The following UBA5 variants were observed in gnomAD, a reference collection of about 807,000 sequenced individuals.
UBA5 encodes the protein ubiquitin like modifier activating enzyme 5.
A neutral mutation model predicts 52.9 loss-of-function variants in UBA5; 28 were observed. The observed-to-expected ratio is 0.53, with a 90% CI of 0.39 to 0.73. The LOEUF is 0.73. Ranked by LOEUF, UBA5 falls within the 30% of genes least tolerant of loss-of-function variation. UBA5 has a pLI of 0.00. For synonymous variants in UBA5, 135 were observed against 162.1 expected (o/e 0.83, Z 1.27); for missense variants, 388 against 492.7 (o/e 0.79, Z 2.01).
At chr3:132,673,392 A>G (rs534556174) in intron 8 of UBA5, among the ~76,000 whole-genome samples, 3 of 152,164 alleles carry the variant, frequency 2.0e-5, no homozygotes, top group African/African-American at 4.8e-5. Flanking sequence ...GTGTTGCCCA[A>G]GCTGAAGTTC....
At chr3:132,672,542 C>G (rs1044956430) in intron 8 of UBA5, among the ~76,000 whole-genome samples, 1 of 152,154 alleles carries the variant, frequency 6.6e-6, no homozygotes, top group Non-Finnish European at 1.5e-5. Flanking sequence ...CTTTGCAAGT[C>G]TGTCCAGTGG....
chr3:132,659,022 G>A (rs896783957), upstream of UBA5, among the ~76,000 whole-genome samples: 33 of 152,252 alleles, frequency 2.2e-4, no homozygotes, highest in East Asian at 7.7e-4. Context: ...TTTTAAGAAT[G>A]TATTATCTAT....
At chr3:132,666,685 A>G (rs182679142) in intron 3 of UBA5, among the ~76,000 whole-genome samples, 5 of 152,146 alleles carry the variant, frequency 3.3e-5, no homozygotes, top group African/African-American at 1.2e-4. Flanking sequence ...TAAAGGAAGC[A>G]TTCTCCCACA....
upstream of UBA5, among the ~76,000 whole-genome samples, chr3:132,658,445 T>C (rs578077671): frequency 1.3e-4 from 20 of 152,378 alleles, no homozygotes; most frequent in South Asian, 4.1e-4. Context: ...CTTTCAGTTA[T>C]GTACCTCTTC....
chr3:132,674,775 A>G (rs1459023923), intron 8 of UBA5, among the ~76,000 whole-genome samples: 1 of 152,194 alleles, frequency 6.6e-6, no homozygotes, highest in Non-Finnish European at 1.5e-5. Flanking sequence ...GGTTACATGA[A>G]AGGCTCATAC....
intron 8 of UBA5, among the ~76,000 whole-genome samples, chr3:132,674,924 C>G (rs917694503): frequency 6.6e-5 from 10 of 152,144 alleles, no homozygotes; most frequent in Non-Finnish European, 1.5e-4. Context: ...TCTCTGAAAT[C>G]AGCATGCTTC....
At chr3:132,660,079 C>A, upstream of UBA5, 1 of 349,262 alleles carries the variant, frequency 2.9e-6, no homozygotes, top group Middle Eastern at 7.7e-4. This position sits in a 1 kb window ranked among gnomAD's most constrained non-coding sequence, Gnocchi z 4.1. Flanking sequence ...GCCTCTTCCA[C>A]CCCCAAATTT....
In UBA5 at chr3:132,655,301, C is replaced by T. The variant is rs187707964; in HGVS notation, c.-8+631C>T. Among the ~76,000 whole-genome samples, 113 of 152,282 alleles carry T rather than the reference C, an allele frequency of 7.4e-4. 1 individual carries two copies. Among genetic ancestry groups the T allele is most frequent in the African/African-American group, 2.6e-3 (108 of 41,562 alleles). ...ACTCTCAACACAAGAAGCAGAGATT[C>T]TGTTTTTTTTGTTGTTGTTGTTTGT... On this transcript the variant is annotated intron_variant, in intron 1 of 11. Transcript: ENST00000264991.
At chr3:132,663,145 A>T (rs1356226274) in intron 1 of UBA5, among the ~76,000 whole-genome samples, 1 of 152,208 alleles carries the variant, frequency 6.6e-6, no homozygotes, top group Non-Finnish European at 1.5e-5. Flanking sequence ...GAGAAGTTTA[A>T]TCTTAAGCTC....
At chr3:132,659,931 G>A (rs1001056126), upstream of UBA5, 17 of 660,396 alleles carry the variant, frequency 2.6e-5, no homozygotes, top group Non-Finnish European at 3.5e-5. Context: ...GAATCCCGAG[G>A]TTTTAGCTCT....
chr3:132,659,496 G>A, upstream of UBA5: 1 of 1,508,516 alleles, frequency 6.6e-7, no homozygotes. Context: ...CTGACTGCAG[G>A]AAAAGCAATC....
rs1938965663 is a variant in UBA5 at position 132,679,518 on chromosome 3, G to A, written c.*2992G>A. 6.6e-6 allele frequency among the ~76,000 whole-genome samples: 1 copy of A among 152,114 alleles called. No individual in the cohort carries two copies. Among genetic ancestry groups the A allele is most frequent in the Admixed American group, 6.6e-5 (1 of 15,266 alleles). On this transcript the variant is annotated 3_prime_UTR_variant, in exon 12 of 12. Transcript: ENST00000356232. Reference sequence around the variant, plus strand: ...TAAAATAAATAGTAATATCAAAATAGTTTATTATGTTTAAATTTCATTCTT... The same window carrying A: ...TAAAATAAATAGTAATATCAAAATAATTTATTATGTTTAAATTTCATTCTT...
At chr3:132,675,739 A>G (rs1262597216) in intron 10 of UBA5, 59 bp downstream of exon 10, 1 of 1,544,494 alleles carries the variant, frequency 6.5e-7, no homozygotes, top group Non-Finnish European at 8.9e-7. Flanking sequence ...TATGGTAGCA[A>G]ATCTAATAAG....
chr3:132,679,754 T>C lies in UBA5; in HGVS notation c.*3228T>C, dbSNP rs1559997508. 6.6e-6 allele frequency among the ~76,000 whole-genome samples: 1 copy of C among 152,222 alleles called. No individual in the cohort carries two copies. The highest frequency in any genetic ancestry group is 1.5e-5 in the Non-Finnish European group (1 of 68,046). On this transcript the variant is annotated 3_prime_UTR_variant, in exon 12 of 12. Transcript: ENST00000356232. ...CTATGTATTAAATGACTTGTACCAC[T>C]AAATAATCAAATTCTAAGCTCTAAC...
upstream of UBA5, chr3:132,659,637 C>A (rs1311039488): frequency 6.2e-7 from 1 of 1,610,568 alleles, no homozygotes; most frequent in East Asian, 2.2e-5. Context: ...GCCTCACGTT[C>A]GGCCCCAAAG....
At chr3:132,673,332 T>C (rs1938685968) in intron 8 of UBA5, among the ~76,000 whole-genome samples, 2 of 152,152 alleles carry the variant, frequency 1.3e-5, no homozygotes, top group African/African-American at 2.4e-5. Flanking sequence ...TATCTTTGAA[T>C]ACTAGATTGA....
upstream of UBA5, among the ~76,000 whole-genome samples, chr3:132,657,207 T>C (rs1399166473): frequency 1.3e-5 from 2 of 152,240 alleles, no homozygotes; most frequent in African/African-American, 4.8e-5. Context: ...ATAACAATTA[T>C]TCCAGTATAA....
Position 132,668,809 on chromosome 3 carries a change from T to G in UBA5, c.298-9T>G. The G allele has an allele frequency of 6.4e-7, 1 of 1,567,002 alleles. No individual in the cohort carries two copies. Among genetic ancestry groups the G allele is most frequent in the Non-Finnish European group, 8.7e-7 (1 of 1,151,052 alleles). ...GTTTTTCATCAGAATACCACTATTT[T>G]CATTTTAGTTGCTACTCTTTGATTA... On this transcript the variant is annotated splice_polypyrimidine_tract_variant and intron_variant, in intron 3 of 11. Coordinates refer to ENST00000356232, the MANE Select transcript of UBA5 (RefSeq NM_024818.6).
rs550561542 is a variant in UBA5 at position 132,670,118 on chromosome 3, G to A, written c.408-80G>A. On this transcript the variant is annotated intron_variant, in intron 4 of 11. Transcript: ENST00000356232. Reference sequence around the variant, plus strand: ...TAGCTCGCTGTAGCCTTGAACTCCTGGACTCAAGTAATCCTCCCACCACAG... The same window carrying A: ...TAGCTCGCTGTAGCCTTGAACTCCTAGACTCAAGTAATCCTCCCACCACAG... The A allele has an allele frequency of 3.0e-5, 21 of 710,990 alleles. No individual in the cohort carries two copies. The East Asian group carries it at 6.4e-4, about 22-fold the overall frequency. 44.0% of individuals were successfully genotyped at this position (710,990 alleles called of 1,614,324 possible). A position where few individuals can be genotyped will look rare whatever the true frequency, so the allele number is the denominator to read the frequency against.
Sources: allele counts gnomAD v4.1 joint callset (sites outside exome capture counted in the v4.1 genomes callset), GRCh38; gene constraint gnomAD v4.1.1; non-coding constraint Gnocchi (gnomAD v3.1); transcripts MANE v1.5; gene names NCBI Gene and HGNC (gene_info 2026-07-23, HGNC 2026-07-21).